SLIT3: variants seen among roughly 807,000 people sequenced by gnomAD.
SLIT3 encodes the protein slit guidance ligand 3, also known as slit homolog 3 protein.
SLIT3 carries 68 observed loss-of-function variants against 184.0 expected under a neutral mutation model. The observed-to-expected ratio is 0.37, with a 90% CI of 0.30 to 0.45. SLIT3 has a LOEUF of 0.45. Among genes scored for constraint, SLIT3 ranks in the 20% least tolerant of loss-of-function variants. The probability of loss-of-function intolerance (pLI) is 1.00; values close to 1 mark genes in which losing one functional copy is unlikely to be tolerated. For missense variants in SLIT3, 1,707 were observed against 2,026.0 expected, an observed-to-expected ratio of 0.84 and a Z score of 3.02; for synonymous variants, 831 against 828.6, an observed-to-expected ratio of 1.00 and a Z score of -0.05.
intron 4 of SLIT3, among the ~76,000 whole-genome samples, chr5:168,974,223 CT>C (rs1487978908): frequency 6.6e-6 from 1 of 152,204 alleles, no homozygotes; most frequent in Non-Finnish European, 1.5e-5. Context: ...TCTCTTGCCT[CT>C]TGGTTCACTG....
At chr5:168,889,238 A>G (rs1191612528) in intron 4 of SLIT3, among the ~76,000 whole-genome samples, 2 of 152,220 alleles carry the variant, frequency 1.3e-5, no homozygotes, top group African/African-American at 2.4e-5. Flanking sequence ...ATTTATCTTA[A>G]TAAGCAAGAT....
chr5:169,116,732 T>C (rs1419173524), intron 4 of SLIT3, among the ~76,000 whole-genome samples: 1 of 152,186 alleles, frequency 6.6e-6, no homozygotes, highest in Non-Finnish European at 1.5e-5. Flanking sequence ...AGAAACAGGC[T>C]AATCAGGGCT....
intron 4 of SLIT3, among the ~76,000 whole-genome samples, chr5:169,054,698 C>A (rs1757928812): frequency 6.6e-6 from 1 of 152,228 alleles, no homozygotes; most frequent in Non-Finnish European, 1.5e-5. Flanking sequence ...TACAGGGAAT[C>A]CTTTACCCCA....
chr5:169,174,370 C>T (rs756561407), intron 4 of SLIT3, among the ~76,000 whole-genome samples: 59 of 152,308 alleles, frequency 3.9e-4, no homozygotes, highest in Non-Finnish European at 6.2e-4. Flanking sequence ...GAGTTTCTTT[C>T]CAGCAGCTGG....
At chr5:168,792,148 T>C (rs992487632) in intron 10 of SLIT3, 3 of 152,200 alleles carry the variant, frequency 2.0e-5, no homozygotes, top group Non-Finnish European at 4.4e-5. Flanking sequence ...TGCTATTTTG[T>C]TGTGATGGAG....
intron 4 of SLIT3, among the ~76,000 whole-genome samples, chr5:169,090,089 G>T (rs765696101): frequency 6.7e-4 from 102 of 152,268 alleles, no homozygotes; most frequent in Non-Finnish European, 1.3e-3. Context: ...ATAAGCAACA[G>T]CAGGGAGCTG....
chr5:168,994,158 G>A (rs1202114905), intron 4 of SLIT3: 1 of 152,258 alleles, frequency 6.6e-6, no homozygotes, highest in East Asian at 1.9e-4. Context: ...GGACAGCTGG[G>A]TGGCTCCTCG....
chr5:168,750,508 T>G (rs1754658393), intron 18 of SLIT3, among the ~76,000 whole-genome samples: 1 of 152,296 alleles, frequency 6.6e-6, no homozygotes, highest in Non-Finnish European at 1.5e-5. Context: ...AGTGGCTGTT[T>G]CGGGGTTGGA....
chr5:168,812,244 T>C (rs1040429033), intron 8 of SLIT3, among the ~76,000 whole-genome samples: 2 of 152,158 alleles, frequency 1.3e-5, no homozygotes, highest in Non-Finnish European at 2.9e-5. Flanking sequence ...GATCCGCATG[T>C]ATGAAGTTAT....
chr5:169,280,664 A>C (rs952636054), intron 1 of SLIT3, among the ~76,000 whole-genome samples: 1 of 152,146 alleles, frequency 6.6e-6, no homozygotes, highest in Non-Finnish European at 1.5e-5. Flanking sequence ...GGAAACTCTA[A>C]GGTGCAGAAG....
At chr5:169,124,812 T>G (rs1227047497) in intron 4 of SLIT3, among the ~76,000 whole-genome samples, 1 of 152,112 alleles carries the variant, frequency 6.6e-6, no homozygotes, top group Non-Finnish European at 1.5e-5. Context: ...GATGTGGTAT[T>G]GTGCTGTACC....
At chr5:168,978,050 T>C (rs1423171419) in intron 4 of SLIT3, among the ~76,000 whole-genome samples, 1 of 152,104 alleles carries the variant, frequency 6.6e-6, no homozygotes, top group East Asian at 1.9e-4. Flanking sequence ...ACTCCCAAAG[T>C]CAAGGAGTCT....
At chr5:169,137,668 C>T (rs952006790) in intron 4 of SLIT3, among the ~76,000 whole-genome samples, 5 of 152,024 alleles carry the variant, frequency 3.3e-5, no homozygotes, top group East Asian at 1.9e-4. Context: ...CTGCCTCATA[C>T]GGTGCCACAT....
At chr5:169,024,877 C>T (rs1383733038) in intron 4 of SLIT3, 2 of 152,330 alleles carry the variant, frequency 1.3e-5, no homozygotes, top group East Asian at 3.9e-4. Context: ...TACACAGTAT[C>T]CCCACAGGGC....
At chr5:168,955,985 T>C (rs1216232062) in intron 4 of SLIT3, among the ~76,000 whole-genome samples, 2 of 152,134 alleles carry the variant, frequency 1.3e-5, no homozygotes, top group Admixed American at 6.5e-5. Context: ...GCTGTGTCCA[T>C]AGCGGCAAAA....
At chr5:168,900,831 G>A (rs991346058) in intron 4 of SLIT3, among the ~76,000 whole-genome samples, 4 of 152,162 alleles carry the variant, frequency 2.6e-5, no homozygotes, top group Admixed American at 2.6e-4. Flanking sequence ...GGAACTGGAG[G>A]TCATTATTGT....
At chr5:169,181,546 C>G (rs748187902) in intron 4 of SLIT3, among the ~76,000 whole-genome samples, 3 of 152,038 alleles carry the variant, frequency 2.0e-5, no homozygotes, top group African/African-American at 4.8e-5. Context: ...TCGAGACCAT[C>G]CTGGCCAACA....
At chr5:168,907,942 GTGTATATATATATA>G (rs1761117659) in intron 4 of SLIT3, among the ~76,000 whole-genome samples, 1 of 53,538 alleles carries the variant, frequency 1.9e-5, no homozygotes, top group African/African-American at 6.9e-5. Context: ...TATATTATAC[GTGTATATATATATA>G]TATATATATA....
intron 5 of SLIT3, among the ~76,000 whole-genome samples, chr5:168,866,522 G>A (rs979098265): frequency 6.6e-6 from 1 of 152,180 alleles, no homozygotes; most frequent in Admixed American, 6.5e-5. Flanking sequence ...GCCAGATGCC[G>A]AACAGCACAC....
Sources: allele counts gnomAD v4.1 joint callset (sites outside exome capture counted in the v4.1 genomes callset), GRCh38; gene constraint gnomAD v4.1.1; transcripts MANE v1.5; gene names NCBI Gene and HGNC (gene_info 2026-07-23, HGNC 2026-07-21).